DLG4: variants seen among roughly 807,000 people sequenced by gnomAD.
The protein encoded by DLG4 is discs large MAGUK scaffold protein 4.
Under a neutral mutation model 93.8 loss-of-function variants are expected in DLG4, and 7 were observed. That is an observed-to-expected ratio of 0.07 (90% CI 0.04 to 0.14). The LOEUF is 0.14. Ranked by LOEUF, DLG4 falls within the 10% of genes least tolerant of loss-of-function variation. The pLI is 1.00. For synonymous variants in DLG4, 341 were observed against 387.6 expected, an observed-to-expected ratio of 0.88 and a Z score of 1.41; for missense variants, 545 against 992.9, an observed-to-expected ratio of 0.55 and a Z score of 6.06.
At chr17:7,209,561 C>T (rs222854) in intron 1 of DLG4, among the ~76,000 whole-genome samples, 99,807 of 151,984 alleles carry the variant, frequency 0.66, 33,702 homozygotes, top group African/African-American at 0.81. Context: ...AGCCCAGGAG[C>T]TGGAGTTGGA....
At chr17:7,219,462 C>T, upstream of DLG4, 1 of 1,036,256 alleles carries the variant, frequency 9.7e-7, no homozygotes. Context: ...CAGAAGAATA[C>T]ACTTAGGGTA....
upstream of DLG4, chr17:7,217,828 C>G (rs890681693): frequency 6.5e-6 from 10 of 1,534,190 alleles, no homozygotes; most frequent in Admixed American, 7.9e-5. Context: ...GGCTGGATTT[C>G]ATTTCTTAGA....
rs773830473 is a variant in DLG4, at chr17:7,191,864, A to C, written c.1976+29T>G. 6.4e-5 allele frequency: 90 copies of C among 1,408,436 alleles called. No homozygotes were observed. Among genetic ancestry groups the C allele is most frequent in the Non-Finnish European group, 8.1e-5 (86 of 1,064,840 alleles). 87.2% of individuals were successfully genotyped at this position (1,408,436 alleles called of 1,614,324 possible). ...CCAGGGCCACAGGTGTTGGGGGAGCAAAGGGGAGGCCCCCAGGACCATACT... is the reference window on the plus strand; with the variant it reads ...CCAGGGCCACAGGTGTTGGGGGAGCCAAGGGGAGGCCCCCAGGACCATACT... On this transcript the variant is annotated intron_variant, in intron 18 of 19. Transcript: ENST00000399506. This position sits in a 1 kb window ranked among gnomAD's most constrained non-coding sequence, Gnocchi z 6.6.
intron 2 of DLG4, chr17:7,205,007 C>G: frequency 3.0e-6 from 3 of 985,392 alleles, no homozygotes; most frequent in Non-Finnish European, 3.6e-6. Context: ...GCCGACCAAA[C>G]TCCTGAGCGC....
At position 7,203,284 on chromosome 17, in the gene DLG4, G is replaced by A; in HGVS notation, c.551C>T (p.Pro184Leu). 1 of 1,608,988 alleles carries A rather than the reference G, an allele frequency of 6.2e-7. No individual in the cohort carries two copies. Among genetic ancestry groups the A allele is most frequent in the Admixed American group, 1.7e-5 (1 of 59,920 alleles). The change falls in exon 7 of 20, where the codon CCA becomes CTA. Residue 184 changes from proline to leucine, a missense_variant. Pro to Leu is a moderately conservative substitution (Grantham distance 98). Coordinates refer to ENST00000399506, the MANE Select transcript of DLG4 (RefSeq NM_001321075.3). This position sits in a 1 kb window ranked among gnomAD's most constrained non-coding sequence, Gnocchi z 7.2. ...IAGGVGNQHI[P>L]GDNSIYVTKI... Reference sequence around the variant, plus strand: ...TGTTACATAGATGCTATTATCTCCTGGGATGTGCTGGTTCCCTACGCCCCC... The same window carrying A: ...TGTTACATAGATGCTATTATCTCCTAGGATGTGCTGGTTCCCTACGCCCCC...
At chr17:7,198,482 CAAA>C (rs35353536) in intron 8 of DLG4, among the ~76,000 whole-genome samples, 4 of 117,056 alleles carry the variant, frequency 3.4e-5, no homozygotes, top group Middle Eastern at 4.6e-3. Context: ...GACTCCCTCT[CAAA>C]AAAAAAAAAA....
In DLG4 at chr17:7,191,190, TG is replaced by T; in HGVS notation, c.2068+76del. 2 of 1,422,002 alleles carry T rather than the reference TG, an allele frequency of 1.4e-6. No individual in the cohort carries two copies. Among genetic ancestry groups the T allele is most frequent in the Non-Finnish European group, 9.9e-7 (1 of 1,012,784 alleles). 88.1% of individuals were successfully genotyped at this position (1,422,002 alleles called of 1,614,324 possible). A position where few individuals can be genotyped will look rare whatever the true frequency, so the allele number is the denominator to read the frequency against. ...GGGCACCTCTTTCTAAGCCATCCAC[TG>T]GGGGTGGCGGGGGAGCTCTTTCTAA... is the stretch of plus-strand genomic sequence containing the variant. On this transcript the variant is annotated intron_variant, in intron 19 of 19. Transcript: ENST00000399506. The surrounding 1 kb of genome is among the most constrained non-coding windows in gnomAD (Gnocchi z 6.6).
At chr17:7,209,298 G>C (rs1291510091) in intron 1 of DLG4, among the ~76,000 whole-genome samples, 1 of 152,212 alleles carries the variant, frequency 6.6e-6, no homozygotes, top group Non-Finnish European at 1.5e-5. Flanking sequence ...GGCAGATGGA[G>C]ACAGCAGAAG....
intron 1 of DLG4, among the ~76,000 whole-genome samples, chr17:7,210,797 T>C (rs2070675642): frequency 6.6e-6 from 1 of 152,164 alleles, no homozygotes; most frequent in African/African-American, 2.4e-5. Context: ...AGAAAATTCC[T>C]GAATCTGAGG....
At chr17:7,216,481 A>C (rs2070922604) in intron 1 of DLG4, among the ~76,000 whole-genome samples, 1 of 152,090 alleles carries the variant, frequency 6.6e-6, no homozygotes, top group Non-Finnish European at 1.5e-5. Flanking sequence ...AGGTGATCCC[A>C]TGCCAGGGCC....
At position 7,190,628 on chromosome 17, in the gene DLG4, C is replaced by G. The variant is rs536003363; in HGVS notation, c.*80G>C. The G allele has an allele frequency of 3.1e-5, 36 of 1,175,606 alleles. No individual in the cohort carries two copies. The highest frequency in any genetic ancestry group is 4.2e-5 in the Non-Finnish European group (33 of 783,994). 72.8% of individuals were successfully genotyped at this position (1,175,606 alleles called of 1,614,324 possible). ...GGGTGGGAGGGAGGCCGGGGGGAGC[C>G]AAGGGCTTGGGCAATTCAGTCCAGA... is the stretch of plus-strand genomic sequence containing the variant. On this transcript the variant is annotated 3_prime_UTR_variant, in exon 20 of 20. Transcript: ENST00000399506.
At position 7,194,362 on chromosome 17, in the gene DLG4, C is replaced by T; in HGVS notation, c.1435G>A (p.Asp479Asn). Residue 479 changes from aspartate to asparagine, a missense_variant, in exon 12 of 20, where the codon GAC becomes AAC. Around this residue, in one of 5 missense-constraint regions of DLG4, gnomAD observed 428 missense variants for 741.4 expected, o/e 0.58. Coordinates refer to ENST00000399506, the MANE Select transcript of DLG4 (RefSeq NM_001321075.3). This position sits in a 1 kb window ranked among gnomAD's most constrained non-coding sequence, Gnocchi z 4.4. ...AACCCAATGTCGTCGGTCTCACTGTCAGAGTGGACCCGCCGTGCCTGCCAC... is the reference window on the plus strand; with the variant it reads ...AACCCAATGTCGTCGGTCTCACTGTTAGAGTGGACCCGCCGTGCCTGCCAC... ...EWWQARRVHS[D>N]SETDDIGFIP... 6.2e-7 allele frequency: 1 copy of T among 1,607,324 alleles called. No homozygotes were observed. The highest frequency in any genetic ancestry group is 8.5e-7 in the Non-Finnish European group (1 of 1,177,068).
In DLG4 at chr17:7,208,043, G is replaced by T; in HGVS notation, c.96+131C>A. ...CTGCAGCTCCGAGGCTCCGAGGGCCGCACTGGGGAGGGGGCCACCAGGGTC... is the reference window on the plus strand; with the variant it reads ...CTGCAGCTCCGAGGCTCCGAGGGCCTCACTGGGGAGGGGGCCACCAGGGTC... On this transcript the variant is annotated intron_variant, in intron 2 of 19. Coordinates refer to ENST00000399506, the MANE Select transcript of DLG4 (RefSeq NM_001321075.3). This position sits in a 1 kb window ranked among gnomAD's most constrained non-coding sequence, Gnocchi z 5.4. 7.8e-7 allele frequency: 1 copy of T among 1,283,512 alleles called. No individual in the cohort carries two copies. 79.5% of individuals were successfully genotyped at this position (1,283,512 alleles called of 1,614,324 possible). A position where few individuals can be genotyped will look rare whatever the true frequency, so the allele number is the denominator to read the frequency against.
At chr17:7,219,667 G>T (rs950368507), upstream of DLG4, 2 of 1,302,034 alleles carry the variant, frequency 1.5e-6, no homozygotes, top group Admixed American at 6.6e-5. Context: ...CCATCCCTCT[G>T]GCTGCAGTGA....
intron 2 of DLG4, among the ~76,000 whole-genome samples, chr17:7,205,451 C>T (rs2070411717): frequency 6.6e-6 from 1 of 152,132 alleles, no homozygotes; most frequent in African/African-American, 2.4e-5. Flanking sequence ...CTTAAAGAAA[C>T]ATGTATTTGC....
chr17:7,211,918 T>C (rs1398854428), intron 1 of DLG4, among the ~76,000 whole-genome samples: 1 of 148,990 alleles, frequency 6.7e-6, no homozygotes, highest in Non-Finnish European at 1.5e-5. Flanking sequence ...CCAACTTCCC[T>C]GGTTCACGCT....
At chr17:7,201,746 T>C (rs2070149923) in intron 8 of DLG4, among the ~76,000 whole-genome samples, 1 of 152,080 alleles carries the variant, frequency 6.6e-6, no homozygotes, top group Non-Finnish European at 1.5e-5. Context: ...CCAGGCGTGA[T>C]GGTGGGCACC....
chr17:7,193,244 C>T lies in DLG4; in HGVS notation c.1694-127G>A, dbSNP rs1365951666. 1 of 1,396,068 alleles carries T rather than the reference C, an allele frequency of 7.2e-7. No individual in the cohort carries two copies. Among genetic ancestry groups the T allele is most frequent in the Non-Finnish European group, 9.9e-7 (1 of 1,009,270 alleles). The allele number at this position is 1,396,068 out of a possible 1,614,324, so 86.5% of individuals were successfully genotyped here. A position where few individuals can be genotyped will look rare whatever the true frequency, so the allele number is the denominator to read the frequency against. On this transcript the variant is annotated intron_variant, in intron 16 of 19. Transcript: ENST00000399506. The surrounding 1 kb of genome is among the most constrained non-coding windows in gnomAD (Gnocchi z 6.7). ...TGGTGAAAGGGAGCTGCCAGGGAGA[C>T]CAAGACTGCAGAGGGCCAGAACCGC...
chr17:7,195,419 C>G lies in DLG4; in HGVS notation c.1301+801G>C, dbSNP rs1305094913. On this transcript the variant is annotated intron_variant, in intron 11 of 19. Transcript: ENST00000399506. This position sits in a 1 kb window ranked among gnomAD's most constrained non-coding sequence, Gnocchi z 4.3. ...GGCAGAGCAAGGGCTCAGGTGGGAG[C>G]CAGTGTCTGGGTGGCTGGTGATGCC... Among the ~76,000 whole-genome samples the G allele has an allele frequency of 6.6e-6, 1 of 152,162 alleles. No homozygotes were observed. Among genetic ancestry groups the G allele is most frequent in the Non-Finnish European group, 1.5e-5 (1 of 68,034 alleles).
Sources: allele counts gnomAD v4.1 joint callset (sites outside exome capture counted in the v4.1 genomes callset), GRCh38; gene constraint gnomAD v4.1.1; regional missense constraint gnomAD v4.1.1; non-coding constraint Gnocchi (gnomAD v3.1); transcripts MANE v1.5; gene names NCBI Gene and HGNC (gene_info 2026-07-23, HGNC 2026-07-21).